The following PHTF2 variants were observed in gnomAD, a reference collection of about 807,000 sequenced individuals.
PHTF2 encodes putative homeodomain transcription factor 2.
In PHTF2, 60 loss-of-function variants were observed where a neutral mutation model predicts 101.2. The ratio of observed to expected loss-of-function variants is 0.59; its 90% CI spans 0.48 to 0.73. The LOEUF is 0.73. Ranked by LOEUF, PHTF2 falls within the 30% of genes least tolerant of loss-of-function variation. The pLI, the probability that PHTF2 is intolerant of heterozygous loss-of-function variation, is 0.00. For missense variants in PHTF2, 747 were observed against 908.7 expected (o/e 0.82, Z 2.29); for synonymous variants, 311 against 307.3 (o/e 1.01, Z -0.13).
At chr7:77,900,865 G>A (rs2150829376) in intron 6 of PHTF2, 85 bp downstream of exon 5, 1 of 749,238 alleles carries the variant, frequency 1.3e-6, no homozygotes. Context: ...TATTGTATTA[G>A]GCTGTTTTGC....
chr7:77,808,432 C>T (rs1380482203), intron 1 of PHTF2, among the ~76,000 whole-genome samples: 2 of 152,132 alleles, frequency 1.3e-5, no homozygotes, highest in African/African-American at 4.8e-5. Flanking sequence ...ATTCTGTCTC[C>T]TCATCATGAA....
intron 19 of PHTF2, among the ~76,000 whole-genome samples, chr7:77,954,645 T>TAA (rs1404287485): frequency 1.4e-5 from 2 of 143,908 alleles, no homozygotes; most frequent in African/African-American, 2.5e-5. Flanking sequence ...TATATATATA[T>TAA]AGCCACTTCT....
intron 2 of PHTF2, among the ~76,000 whole-genome samples, chr7:77,847,171 C>T (rs1324498077): frequency 1.3e-5 from 2 of 152,076 alleles, no homozygotes; most frequent in African/African-American, 4.8e-5. Flanking sequence ...TGAAAGCATC[C>T]TAAGTGATAC....
In PHTF2 at chr7:77,815,117, A is replaced by G. The variant is rs200705661; in HGVS notation, c.-36+16146A>G. Among the ~76,000 whole-genome samples the G allele has an allele frequency of 4.0e-5, 6 of 151,880 alleles. No homozygotes were observed. The East Asian group carries it at 1.2e-3, about 29-fold the overall frequency. On this transcript the variant is annotated intron_variant, in intron 1 of 19. Coordinates refer to ENST00000416283, the Ensembl canonical transcript of PHTF2. ...AAACAGCAAAATCCCAACAAAAAGA[A>G]AAAAAAAGCCAAAAACAGGACACTA... is the stretch of plus-strand genomic sequence containing the variant.
At chr7:77,943,160 C>T (rs1562971927) in intron 16 of PHTF2, among the ~76,000 whole-genome samples, 1 of 152,138 alleles carries the variant, frequency 6.6e-6, no homozygotes, top group Non-Finnish European at 1.5e-5. Flanking sequence ...CTCGCTCTGT[C>T]GCGCAGGCGG....
intron 1 of PHTF2, among the ~76,000 whole-genome samples, chr7:77,815,115 GA>G (rs962481447): frequency 5.3e-5 from 8 of 149,556 alleles, no homozygotes; most frequent in African/African-American, 1.7e-4. Flanking sequence ...CCAACAAAAA[GA>G]AAAAAAAAGC....
At chr7:77,954,645 T>TATATATAG (rs1404287485) in intron 19 of PHTF2, among the ~76,000 whole-genome samples, 3 of 143,906 alleles carry the variant, frequency 2.1e-5, no homozygotes, top group Non-Finnish European at 4.6e-5. Flanking sequence ...TATATATATA[T>TATATATAG]AGCCACTTCT....
In PHTF2 at chr7:77,927,195, TAC is replaced by T. The variant is rs1434065287; in HGVS notation, c.1120-1912_1120-1911del. The stretch of plus-strand genomic sequence containing the variant: ...AAAAAAAAATATATATATATATATA[TAC>T]ATACACACACACACACACACACACA... On this transcript the variant is annotated intron_variant, in intron 11 of 19. Transcript: ENST00000416283. Among the ~76,000 whole-genome samples the T allele has an allele frequency of 3.9e-3, 307 of 78,430 alleles. 1 individual carries two copies. Among genetic ancestry groups the T allele is most frequent in the African/African-American group, 1.0e-2 (270 of 27,104 alleles). 51.5% of individuals were successfully genotyped at this position (78,430 alleles called of 152,430 possible).
At chr7:77,837,377 G>C (rs1014564208) in intron 1 of PHTF2, among the ~76,000 whole-genome samples, 5 of 152,134 alleles carry the variant, frequency 3.3e-5, no homozygotes, top group Non-Finnish European at 7.4e-5. Context: ...AATTTGACTT[G>C]TTAATCCTTG....
chr7:77,874,782 G>T (rs951859998), intron 3 of PHTF2, among the ~76,000 whole-genome samples: 1 of 152,170 alleles, frequency 6.6e-6, no homozygotes, highest in African/African-American at 2.4e-5. Flanking sequence ...TTGACAGTCA[G>T]TATTAACCAT....
intron 9 of PHTF2, among the ~76,000 whole-genome samples, chr7:77,918,605 AG>A (rs1351119392): frequency 6.6e-6 from 1 of 152,224 alleles, no homozygotes; most frequent in East Asian, 1.9e-4. Context: ...ACAGTGTTCA[AG>A]GGAGAGGTAA....
intron 3 of PHTF2, among the ~76,000 whole-genome samples, chr7:77,856,223 A>G (rs1483307793): frequency 6.6e-6 from 1 of 152,264 alleles, no homozygotes; most frequent in Non-Finnish European, 1.5e-5. Flanking sequence ...CTAAAAAATA[A>G]AAATAAATGT....
Position 77,940,240 on chromosome 7 carries a change from C to T in PHTF2, c.1678C>T (p.Arg560Cys), listed in dbSNP as rs1317437776. The change falls in exon 14 of 20, where the codon CGC becomes TGC. Residue 560 changes from arginine (R) to cysteine (C), a missense_variant. Physicochemically the swap from Arg to Cys is radical, Grantham distance 180. Coordinates refer to ENST00000416283, the Ensembl canonical transcript of PHTF2. The stretch of plus-strand genomic sequence containing the variant: ...TATGGTTATAATAAGTTTTGTGGTT[C>T]GCGTGTCTCTTGTGTGGATTTTCTT... 6 of 1,613,512 alleles carry T rather than the reference C, an allele frequency of 3.7e-6. No individual in the cohort carries two copies. The highest frequency in any genetic ancestry group is 1.3e-5 in the African/African-American group (1 of 74,882).
In PHTF2 at chr7:77,956,639, G is replaced by A. The variant is rs78146324; in HGVS notation, c.*1761G>A. 13,346 of 152,418 alleles carry A rather than the reference G, an allele frequency of 0.088. 737 individuals carry two copies. Among genetic ancestry groups the A allele is most frequent in the South Asian group, 0.18 (878 of 4,810 alleles). 9.4% of individuals were successfully genotyped at this position (152,418 alleles called of 1,614,324 possible). A position where few individuals can be genotyped will look rare whatever the true frequency, so the allele number is the denominator to read the frequency against. On this transcript the variant is annotated 3_prime_UTR_variant, in exon 20 of 20. Transcript: ENST00000416283. Reference sequence around the variant, plus strand: ...TTGTCTAATGTTGAGGTTGTTTTTAGGAATTATGTTTTATAAACTTTTTCA... The same window carrying A: ...TTGTCTAATGTTGAGGTTGTTTTTAAGAATTATGTTTTATAAACTTTTTCA...
intron 13 of PHTF2, among the ~76,000 whole-genome samples, chr7:77,939,609 GAAAAC>G (rs1805469620): frequency 1.5e-5 from 2 of 132,500 alleles, no homozygotes; most frequent in East Asian, 2.2e-4. Flanking sequence ...AAAAAAAAAA[GAAAAC>G]AGAAAGAAAA....
chr7:77,801,357 G>A (rs1397592535), intron 1 of PHTF2, among the ~76,000 whole-genome samples: 1 of 152,166 alleles, frequency 6.6e-6, no homozygotes, highest in Admixed American at 6.5e-5. Context: ...AGGCCAAGGC[G>A]GGTGGATCAC....
chr7:77,929,107 A>G lies in PHTF2; in HGVS notation c.1120-2A>G. On this transcript the variant is annotated splice_acceptor_variant, in intron 11 of 19. Coordinates refer to ENST00000416283, the Ensembl canonical transcript of PHTF2. LOFTEE classifies it high-confidence loss of function. ...TAATGTCAAAGAATATCTTGATTTC[A>G]GGACGCCCCTAAATCGGGTACTAGT... The G allele has an allele frequency of 6.2e-7, 1 of 1,608,896 alleles. No homozygotes were observed. Among genetic ancestry groups the G allele is most frequent in the Admixed American group, 1.7e-5 (1 of 59,942 alleles).
At chr7:77,906,856 C>T (rs565898442) in intron 7 of PHTF2, among the ~76,000 whole-genome samples, 86 of 148,994 alleles carry the variant, frequency 5.8e-4, no homozygotes, top group Non-Finnish European at 9.2e-4. Context: ...TGCAGTGAGC[C>T]GAGATCGCAC....
chr7:77,955,044 T>A, exon 20 of PHTF2: 1 of 362,258 alleles, frequency 2.8e-6, no homozygotes, highest in East Asian at 4.2e-5. Context: ...ACTGGTTCAC[T>A]TTTTTTTACA....
Sources: gnomAD v4.1 joint callset for allele counts (sites outside exome capture counted in the v4.1 genomes callset) on GRCh38, gnomAD v4.1.1 for gene constraint, MANE v1.5 for transcripts, NCBI Gene and HGNC (gene_info 2026-07-23, HGNC 2026-07-21) for gene names.